The following CSMD1 variants were observed in gnomAD, a reference collection of about 807,000 sequenced individuals.
CSMD1 encodes the protein CUB and Sushi multiple domains 1.
Under a neutral mutation model 417.5 loss-of-function variants are expected in CSMD1, and 213 were observed. That is an observed-to-expected ratio of 0.51 (90% CI 0.46 to 0.57). The LOEUF is 0.57. CSMD1 is among the 20% of genes least tolerant of loss of function. The pLI, the probability that CSMD1 is intolerant of heterozygous loss-of-function variation, is 0.00. For missense variants in CSMD1, 6,923 were observed against 4,529.7 expected, an observed-to-expected ratio of 1.53 and a Z score of -15.17; for synonymous variants, 2,862 against 1,736.8, an observed-to-expected ratio of 1.65 and a Z score of -16.11.
At position 4,556,982 on chromosome 8, in the gene CSMD1, G is replaced by A. The variant is rs528572030; in HGVS notation, c.302+80360C>T. ...TTTATGCTTCTTTATGTAAGCTAAT[G>A]TGCATTCTGAATTTCTAAAATTGAG... On this transcript the variant is annotated intron_variant, in intron 2 of 69. Transcript: ENST00000635120. Among the ~76,000 whole-genome samples, 110 of 152,264 alleles carry A rather than the reference G, an allele frequency of 7.2e-4. 1 individual carries two copies. Among genetic ancestry groups the A allele is most frequent in the Middle Eastern group, 3.4e-3 (1 of 294 alleles).
At chr8:3,393,678 T>C (rs113681824) in intron 17 of CSMD1, among the ~76,000 whole-genome samples, 10,825 of 152,066 alleles carry the variant, frequency 0.071, 461 homozygotes, top group East Asian at 0.17. Flanking sequence ...GATGAGTTCA[T>C]GTCTTTTGTA....
At chr8:4,923,688 T>G (rs1806653448) in intron 1 of CSMD1, among the ~76,000 whole-genome samples, 1 of 152,160 alleles carries the variant, frequency 6.6e-6, no homozygotes, top group African/African-American at 2.4e-5. Flanking sequence ...CGGAGAGCAC[T>G]CAGTGGGACT....
chr8:4,234,199 G>A (rs1018922679), intron 3 of CSMD1, among the ~76,000 whole-genome samples: 3 of 152,178 alleles, frequency 2.0e-5, no homozygotes, highest in Non-Finnish European at 2.9e-5. Flanking sequence ...CAAGAAAGAT[G>A]AACAGAAAAG....
Position 3,096,994 on chromosome 8 carries a change from G to T in CSMD1, c.6993C>A (p.Val2331=). ...ANEVRTGSSG[V]ILSPGYPGNY... ...TACCCGGATACCCTGGACTGAGAAT[G>T]ACTCCCGATGATCCAGTCCGGACTT... Residue 2331 remains valine, a synonymous_variant, in exon 47 of 70, where the codon GTC becomes GTA. Coordinates refer to ENST00000635120, the MANE Select transcript of CSMD1 (RefSeq NM_033225.6). 1 of 1,555,770 alleles carries T rather than the reference G, an allele frequency of 6.4e-7. No individual in the cohort carries two copies. Among genetic ancestry groups the T allele is most frequent in the Non-Finnish European group, 8.7e-7 (1 of 1,148,914 alleles).
rs187872367 is a variant in CSMD1, at chr8:3,525,184, G to A, written c.1345-31458C>T. ...GGGTCTTCTTGTCTGTGTTCTGTGT[G>A]AGACTCAGCCGTCAGAAATCATTCA... On this transcript the variant is annotated intron_variant, in intron 10 of 69. Transcript: ENST00000635120. Among the ~76,000 whole-genome samples, 251 of 152,250 alleles carry A rather than the reference G, an allele frequency of 1.6e-3. 1 individual carries two copies. Among genetic ancestry groups the A allele is most frequent in the African/African-American group, 5.7e-3 (235 of 41,526 alleles).
chr8:4,631,394 G>C (rs571309232), intron 2 of CSMD1, among the ~76,000 whole-genome samples: 10 of 143,434 alleles, frequency 7.0e-5, no homozygotes, highest in East Asian at 2.0e-4. Context: ...TGATACCTTG[G>C]TTTGTTTTTT....
chr8:4,212,850 C>G (rs1800404065), intron 3 of CSMD1, among the ~76,000 whole-genome samples: 3 of 147,492 alleles, frequency 2.0e-5, no homozygotes, highest in South Asian at 4.3e-4. Flanking sequence ...CCCTTCTAGT[C>G]CAGCTTTCCA....
At chr8:3,300,636 C>T (rs1268381251) in intron 25 of CSMD1, among the ~76,000 whole-genome samples, 3 of 152,018 alleles carry the variant, frequency 2.0e-5, no homozygotes, top group Non-Finnish European at 4.4e-5. Context: ...TACAAGACTA[C>T]TTGTCACATC....
intron 1 of CSMD1, among the ~76,000 whole-genome samples, chr8:4,980,262 C>T (rs553990955): frequency 1.3e-5 from 2 of 152,230 alleles, no homozygotes; most frequent in South Asian, 4.1e-4. Context: ...AAGTTTAAGC[C>T]CAGAACTTTC....
chr8:3,642,642 G>C (rs1015979202), intron 7 of CSMD1, among the ~76,000 whole-genome samples: 1 of 152,090 alleles, frequency 6.6e-6, no homozygotes, highest in African/African-American at 2.4e-5. Flanking sequence ...GCAGGTTAAC[G>C]GACGGTCGAT....
intron 10 of CSMD1, among the ~76,000 whole-genome samples, chr8:3,524,085 A>T (rs1797645010): frequency 6.6e-6 from 1 of 151,352 alleles, no homozygotes; most frequent in Admixed American, 6.6e-5. Context: ...ACATGCACAC[A>T]CGCATGCACA....
intron 33 of CSMD1, among the ~76,000 whole-genome samples, chr8:3,191,254 T>C (rs1165067118): frequency 2.6e-5 from 4 of 151,990 alleles, no homozygotes; most frequent in African/African-American, 7.2e-5. Context: ...CGAGAGTTCG[T>C]TTATCAGCCT....
chr8:3,507,678 C>T (rs577929552), intron 10 of CSMD1, among the ~76,000 whole-genome samples: 1 of 152,146 alleles, frequency 6.6e-6, no homozygotes, highest in Non-Finnish European at 1.5e-5. Flanking sequence ...TGTTTCCTGA[C>T]TTTTTAATGA....
intron 2 of CSMD1, among the ~76,000 whole-genome samples, chr8:4,485,113 G>C (rs1400860585): frequency 1.3e-5 from 2 of 149,874 alleles, no homozygotes; most frequent in African/African-American, 2.5e-5. Flanking sequence ...CTGTATTCAG[G>C]TTTTTCCAAA....
At chr8:4,279,831 G>A (rs1218517023) in intron 3 of CSMD1, among the ~76,000 whole-genome samples, 2 of 152,196 alleles carry the variant, frequency 1.3e-5, no homozygotes, top group African/African-American at 2.4e-5. Flanking sequence ...AAGACTGAGT[G>A]CTTGCCTGCA....
chr8:3,540,473 C>A (rs1798391067), intron 10 of CSMD1, among the ~76,000 whole-genome samples: 1 of 152,092 alleles, frequency 6.6e-6, no homozygotes, highest in Admixed American at 6.5e-5. Flanking sequence ...TAGTCACGGG[C>A]AACGAATTCA....
rs146539567 is a variant in CSMD1 at position 2,999,972 on chromosome 8, G to A, written c.8189C>T (p.Thr2730Met). The A allele has an allele frequency of 4.1e-5, 66 of 1,608,982 alleles. No homozygotes were observed. The highest frequency in any genetic ancestry group is 1.7e-4 in the Admixed American group (10 of 59,152). Residue 2730 changes from threonine to methionine, a missense_variant, in exon 53 of 70, where the codon ACG becomes ATG. By Grantham distance (81) the Thr-to-Met change is moderately conservative. Transcript: ENST00000635120. ...CLQDHKWSGQ[T>M]PVCVPITCGH... ...AGTGCACTTACGGACACAGACAGGCGTTTGTCCAGACCACTTGTGGTCTTG... is the reference window on the plus strand; with the variant it reads ...AGTGCACTTACGGACACAGACAGGCATTTGTCCAGACCACTTGTGGTCTTG...
chr8:4,910,993 G>A (rs1489160015), intron 1 of CSMD1, among the ~76,000 whole-genome samples: 1 of 152,088 alleles, frequency 6.6e-6, no homozygotes, highest in Admixed American at 6.6e-5. Context: ...TCCATAAGGG[G>A]GAATTTCCCT....
intron 5 of CSMD1, among the ~76,000 whole-genome samples, chr8:3,873,316 G>C (rs2129114575): frequency 6.6e-6 from 1 of 152,110 alleles, no homozygotes; most frequent in Admixed American, 6.6e-5. Context: ...ATGCCCATCA[G>C]CTGTAGAATG....
Sources: allele counts gnomAD v4.1 joint callset (sites outside exome capture counted in the v4.1 genomes callset), GRCh38; gene constraint gnomAD v4.1.1; transcripts MANE v1.5; gene names NCBI Gene and HGNC (gene_info 2026-07-23, HGNC 2026-07-21).